The following PRICKLE2 variants were observed in gnomAD, a reference collection of about 807,000 sequenced individuals.
The protein encoded by PRICKLE2 is prickle-like protein 2.
In PRICKLE2, 21 loss-of-function variants were observed where a neutral mutation model predicts 81.4. The ratio of observed to expected loss-of-function variants is 0.26; its 90% CI spans 0.18 to 0.37. The LOEUF (loss-of-function observed/expected upper bound fraction) is 0.37. PRICKLE2 is among the 10% of genes least tolerant of loss of function. PRICKLE2 has a pLI of 1.00. For missense variants in PRICKLE2, 940 were observed against 1,109.0 expected (o/e 0.85, Z 2.16); for synonymous variants, 456 against 421.5 (o/e 1.08, Z -1.00).
At chr3:64,233,592 G>C (rs559553620) in intron 2 of PRICKLE2, among the ~76,000 whole-genome samples, 1 of 152,192 alleles carries the variant, frequency 6.6e-6, no homozygotes, top group Non-Finnish European at 1.5e-5. Context: ...TGAGGGCTAA[G>C]TCTTACCATC....
intron 7 of PRICKLE2, among the ~76,000 whole-genome samples, chr3:64,134,133 C>T (rs944804740): frequency 1.3e-5 from 2 of 152,226 alleles, no homozygotes; most frequent in African/African-American, 4.8e-5. Flanking sequence ...CCCACTGCAG[C>T]AGACATTACA....
chr3:64,209,189 A>G (rs969637621), intron 1 of PRICKLE2, among the ~76,000 whole-genome samples: 1 of 151,934 alleles, frequency 6.6e-6, no homozygotes, highest in Non-Finnish European at 1.5e-5. Context: ...ATATCCATAC[A>G]TACATCCCAT....
In PRICKLE2 at chr3:64,176,095, C is replaced by G. The variant is rs1275385934; in HGVS notation, c.145-12966G>C. ...TAAGAAGGTGGGTAAGGGTAAGAGG[C>G]AGATGGATCAACAACATTTAAAGAG... On this transcript the variant is annotated intron_variant, in intron 2 of 7. Coordinates refer to ENST00000638394, the MANE Select transcript of PRICKLE2 (RefSeq NM_198859.4). 3.9e-5 allele frequency among the ~76,000 whole-genome samples: 6 copies of G among 152,246 alleles called. No homozygotes were observed. In the East Asian group the frequency reaches 1.2e-3, roughly 29 times the overall value.
intron 2 of PRICKLE2, among the ~76,000 whole-genome samples, chr3:64,231,888 C>G (rs976945805): frequency 3.3e-5 from 5 of 152,138 alleles, no homozygotes; most frequent in African/African-American, 1.2e-4. Flanking sequence ...TTGGGTCTGA[C>G]GACAAAACCC....
chr3:64,238,718 T>C (rs183016126), intron 2 of PRICKLE2, among the ~76,000 whole-genome samples: 3 of 152,246 alleles, frequency 2.0e-5, no homozygotes, highest in African/African-American at 7.2e-5. Flanking sequence ...TTGGGACAAG[T>C]CACTTTCCTT....
At chr3:64,180,274 G>A (rs1281517508) in intron 2 of PRICKLE2, among the ~76,000 whole-genome samples, 1 of 152,198 alleles carries the variant, frequency 6.6e-6, no homozygotes, top group African/African-American at 2.4e-5. Context: ...TCCAATTCCT[G>A]AGAGTTATCT....
At chr3:64,181,557 T>C (rs938129832) in intron 2 of PRICKLE2, among the ~76,000 whole-genome samples, 3 of 152,090 alleles carry the variant, frequency 2.0e-5, no homozygotes, top group Non-Finnish European at 4.4e-5. Context: ...TTAGTTATTC[T>C]ACTGACAGCT....
intron 2 of PRICKLE2, among the ~76,000 whole-genome samples, chr3:64,265,563 C>T (rs1447926616): frequency 1.3e-5 from 2 of 152,140 alleles, no homozygotes; most frequent in Admixed American, 6.6e-5. Context: ...TTTTTAAAAA[C>T]CCACAGATCT....
chr3:64,204,306 C>G (rs1246813350), intron 1 of PRICKLE2, among the ~76,000 whole-genome samples: 1 of 152,154 alleles, frequency 6.6e-6, no homozygotes, highest in Non-Finnish European at 1.5e-5. Flanking sequence ...TTATACCTTA[C>G]ATACATGATC....
chr3:64,165,582 A>G (rs894537654), intron 2 of PRICKLE2, among the ~76,000 whole-genome samples: 1 of 152,172 alleles, frequency 6.6e-6, no homozygotes, highest in Non-Finnish European at 1.5e-5. Flanking sequence ...TGGCGCGGTC[A>G]TGGCTCACTG....
chr3:64,102,905 T>TA (rs993767004), intron 7 of PRICKLE2: 1 of 152,186 alleles, frequency 6.6e-6, no homozygotes, highest in African/African-American at 2.4e-5. Context: ...GATATGGTGG[T>TA]AAATGGCCCA....
intron 7 of PRICKLE2, among the ~76,000 whole-genome samples, chr3:64,126,115 TAGAGA>T (rs1034561956): frequency 5.9e-5 from 9 of 152,172 alleles, no homozygotes; most frequent in Non-Finnish European, 1.2e-4. Flanking sequence ...TGCTTGTAAT[TAGAGA>T]AAACAGTAAA....
chr3:64,233,715 T>C (rs2079138823), intron 2 of PRICKLE2, among the ~76,000 whole-genome samples: 1 of 152,198 alleles, frequency 6.6e-6, no homozygotes. Flanking sequence ...ATAATTAATA[T>C]ACTATACAGC....
chr3:64,222,016 T>C (rs1012626029), intron 1 of PRICKLE2, among the ~76,000 whole-genome samples: 4 of 152,198 alleles, frequency 2.6e-5, no homozygotes, highest in Non-Finnish European at 4.4e-5. Flanking sequence ...CTTCAGTTTC[T>C]CCGTTAAATA....
chr3:64,258,845 A>AAAGAAAGAAAGAAAAGAAAGAAAG (rs1553663504), intron 2 of PRICKLE2, among the ~76,000 whole-genome samples: 53 of 34,008 alleles, frequency 1.6e-3, no homozygotes, highest in African/African-American at 5.9e-3. Flanking sequence ...AAAAAAAAAA[A>AAAGAAAGAAAGAAAAGAAAGAAAG]AAAGAAAGAA....
chr3:64,106,793 T>C (rs1403859171), intron 7 of PRICKLE2, among the ~76,000 whole-genome samples: 2 of 152,202 alleles, frequency 1.3e-5, no homozygotes, highest in Non-Finnish European at 2.9e-5. Context: ...CTCAAGCACA[T>C]GTGTGATAGG....
chr3:64,258,841 AAAAAAAAGAAAGAAAGAAAGAAAGAAAG>A (rs2079568521), intron 2 of PRICKLE2, among the ~76,000 whole-genome samples: 3 of 39,352 alleles, frequency 7.6e-5, no homozygotes, highest in South Asian at 1.0e-3. Context: ...AAAAAAAAAA[AAAAAAAAGAAAGAAAGAAAGAAAGAAAG>A]AAAGAAAGAA....
intron 7 of PRICKLE2, among the ~76,000 whole-genome samples, chr3:64,107,032 G>T (rs2076766861): frequency 6.6e-6 from 1 of 152,208 alleles, no homozygotes; most frequent in African/African-American, 2.4e-5. Context: ...GAGGTGCTCA[G>T]GGTGATGATA....
rs183579345 is a variant in PRICKLE2 at position 64,111,774 on chromosome 3, G to A, written c.1661-11849C>T. ...ACTTTGGAGAGGAAGGAAGAGCAGC[G>A]GCTGGGAGGGGGCATGAGGGAGCTT... On this transcript the variant is annotated intron_variant, in intron 7 of 7. Transcript: ENST00000638394. Among the ~76,000 whole-genome samples the A allele has an allele frequency of 2.7e-3, 410 of 152,278 alleles. 2 individuals are homozygous for A. Among genetic ancestry groups the A allele is most frequent in the Middle Eastern group, 0.01 (3 of 292 alleles).
Sources: allele counts gnomAD v4.1 joint callset (sites outside exome capture counted in the v4.1 genomes callset), GRCh38; gene constraint gnomAD v4.1.1; transcripts MANE v1.5; gene names NCBI Gene and HGNC (gene_info 2026-07-23, HGNC 2026-07-21).